Variants in RABGAP1L observed in about 807,000 individuals in gnomAD.
RABGAP1L encodes the protein RAB GTPase activating protein 1 like.
A neutral mutation model predicts 137.7 loss-of-function variants in RABGAP1L; 63 were observed. That is an observed-to-expected ratio of 0.46 (90% CI 0.37 to 0.56). The LOEUF (loss-of-function observed/expected upper bound fraction) is 0.56, where lower values mean the gene tolerates loss of function less well. Among genes scored for constraint, RABGAP1L ranks in the 20% least tolerant of loss-of-function variants. The probability of loss-of-function intolerance (pLI) is 0.00; values close to 1 mark genes in which losing one functional copy is unlikely to be tolerated. For missense variants in RABGAP1L, 1,095 were observed against 1,244.0 expected (o/e 0.88, Z 1.80); for synonymous variants, 431 against 433.7 (o/e 0.99, Z 0.08).
intron 19 of RABGAP1L, among the ~76,000 whole-genome samples, chr1:174,838,701 G>A (rs1041013714): frequency 4.6e-5 from 7 of 151,734 alleles, no homozygotes; most frequent in East Asian, 3.9e-4. Context: ...AGGCCGAGGC[G>A]GGCGGATCAC....
chr1:174,319,091 T>C (rs1679699900), intron 11 of RABGAP1L, among the ~76,000 whole-genome samples: 1 of 152,120 alleles, frequency 6.6e-6, no homozygotes, highest in African/African-American at 2.4e-5. Flanking sequence ...TTTTATACTT[T>C]CAGATCAGTA....
At chr1:174,410,135 G>A (rs1366081892) in intron 13 of RABGAP1L, among the ~76,000 whole-genome samples, 3 of 152,078 alleles carry the variant, frequency 2.0e-5, no homozygotes, top group African/African-American at 4.8e-5. Flanking sequence ...TGGGCATCAC[G>A]GTCCTACAGA....
At chr1:174,384,402 G>A (rs998648087) in intron 12 of RABGAP1L, among the ~76,000 whole-genome samples, 1 of 150,734 alleles carries the variant, frequency 6.6e-6, no homozygotes, top group African/African-American at 2.4e-5. Flanking sequence ...CTAAAAATGT[G>A]AATTTTACTC....
At chr1:174,572,524 A>G (rs960438202) in intron 13 of RABGAP1L, among the ~76,000 whole-genome samples, 12 of 152,094 alleles carry the variant, frequency 7.9e-5, no homozygotes, top group African/African-American at 2.9e-4. Flanking sequence ...CTAGGACTAC[A>G]GGCATGCACC....
chr1:174,534,191 C>A (rs1022377110), intron 13 of RABGAP1L, among the ~76,000 whole-genome samples: 3 of 139,994 alleles, frequency 2.1e-5, no homozygotes, highest in Non-Finnish European at 4.7e-5. Flanking sequence ...TGTCCCTAAA[C>A]AATATTTAGC....
intron 1 of RABGAP1L, among the ~76,000 whole-genome samples, chr1:174,204,987 A>G (rs1571539227): frequency 6.6e-6 from 1 of 152,174 alleles, no homozygotes; most frequent in Non-Finnish European, 1.5e-5. Context: ...TAAATTACCC[A>G]GTCATGGGTA....
intron 19 of RABGAP1L, among the ~76,000 whole-genome samples, chr1:174,883,035 G>C (rs1654504575): frequency 6.6e-6 from 1 of 152,100 alleles, no homozygotes; most frequent in Admixed American, 6.6e-5. Context: ...TGTTGGCCAA[G>C]CTGGTCTTGA....
Position 174,778,496 on chromosome 1 carries a change from G to A in RABGAP1L, c.2211+26142G>A, listed in dbSNP as rs558275438. 1.5e-4 allele frequency among the ~76,000 whole-genome samples: 23 copies of A among 152,302 alleles called. No homozygotes were observed. In the South Asian group the frequency reaches 1.7e-3, roughly 11 times the overall value. On this transcript the variant is annotated intron_variant, in intron 18 of 25. Coordinates refer to ENST00000681986, the MANE Select transcript of RABGAP1L (RefSeq NM_001366446.1). The stretch of plus-strand genomic sequence containing the variant: ...AAATGGTACCTATGTGGGTAAAAAT[G>A]TAATAAGAGTACAATTCTGTATTCT...
At chr1:174,195,730 CTT>C (rs796663073) in intron 1 of RABGAP1L, among the ~76,000 whole-genome samples, 1 of 110,404 alleles carries the variant, frequency 9.1e-6, no homozygotes, top group Non-Finnish European at 1.8e-5. Flanking sequence ...TCTTTTCTTT[CTT>C]TTCTTTCTTT....
intron 13 of RABGAP1L, among the ~76,000 whole-genome samples, chr1:174,555,531 T>TC (rs528979337): frequency 0.016 from 2,323 of 147,168 alleles, 48 homozygotes; most frequent in African/African-American, 0.049. Context: ...AAAATGTATG[T>TC]CCCCCCCCCA....
At chr1:174,275,244 C>G (rs373096846) in intron 8 of RABGAP1L, 2 of 152,030 alleles carry the variant, frequency 1.3e-5, no homozygotes, top group East Asian at 1.9e-4. Context: ...GCTTACAAAC[C>G]AAAAATTAGT....
chr1:174,344,119 G>A (rs1400772599), intron 11 of RABGAP1L, among the ~76,000 whole-genome samples: 1 of 152,160 alleles, frequency 6.6e-6, no homozygotes, highest in African/African-American at 2.4e-5. Context: ...TAAATGTTCT[G>A]GAGGATGATC....
At chr1:174,227,077 T>C (rs1443674161) in intron 3 of RABGAP1L, among the ~76,000 whole-genome samples, 1 of 152,188 alleles carries the variant, frequency 6.6e-6, no homozygotes, top group Non-Finnish European at 1.5e-5. Context: ...TGTCAAAAAA[T>C]CTGTGGAAGG....
intron 11 of RABGAP1L, among the ~76,000 whole-genome samples, chr1:174,343,581 C>T (rs996246277): frequency 2.6e-5 from 4 of 152,054 alleles, no homozygotes; most frequent in Non-Finnish European, 4.4e-5. Flanking sequence ...TTTAGGTAGC[C>T]TATATGCTGT....
chr1:174,356,093 T>A (rs982529704), intron 11 of RABGAP1L, among the ~76,000 whole-genome samples: 1 of 152,200 alleles, frequency 6.6e-6, no homozygotes, highest in African/African-American at 2.4e-5. Context: ...CAGGATGACC[T>A]AATTTACATG....
chr1:174,853,801 T>C (rs1174482729), intron 19 of RABGAP1L, among the ~76,000 whole-genome samples: 3 of 152,202 alleles, frequency 2.0e-5, no homozygotes, highest in Non-Finnish European at 4.4e-5. Context: ...TGGTAGACTA[T>C]TTTCTAAGCT....
chr1:174,559,915 C>G (rs1248626439), intron 13 of RABGAP1L, among the ~76,000 whole-genome samples: 1 of 152,180 alleles, frequency 6.6e-6, no homozygotes. Context: ...GAGGGCAGAT[C>G]ATGAGGTCAG....
intron 18 of RABGAP1L, among the ~76,000 whole-genome samples, chr1:174,753,863 A>T (rs1384462904): frequency 3.3e-5 from 5 of 152,324 alleles, no homozygotes; most frequent in African/African-American, 1.2e-4. Flanking sequence ...CTCAGATATT[A>T]TGTCTTTCCT....
At chr1:174,178,921 G>A (rs1179757842) in intron 1 of RABGAP1L, among the ~76,000 whole-genome samples, 3 of 152,146 alleles carry the variant, frequency 2.0e-5, no homozygotes, top group African/African-American at 7.2e-5. Flanking sequence ...GATAGGTGCA[G>A]CAAACCACCA....
Sources: allele counts gnomAD v4.1 joint callset (sites outside exome capture counted in the v4.1 genomes callset), GRCh38; gene constraint gnomAD v4.1.1; transcripts MANE v1.5; gene names NCBI Gene and HGNC (gene_info 2026-07-23, HGNC 2026-07-21).